The following PDE7B variants were observed in gnomAD, a reference collection of about 807,000 sequenced individuals.
The protein encoded by PDE7B is phosphodiesterase 7B.
In PDE7B, 29 loss-of-function variants were observed where a neutral mutation model predicts 56.2. The observed-to-expected ratio is 0.52, with a 90% CI of 0.38 to 0.70. The LOEUF is 0.70. Among genes scored for constraint, PDE7B ranks in the 30% least tolerant of loss-of-function variants. The pLI, the probability that PDE7B is intolerant of heterozygous loss-of-function variation, is 0.00. For synonymous variants in PDE7B, 197 were observed against 196.9 expected (o/e 1.00, Z 0.00); for missense variants, 490 against 565.0 (o/e 0.87, Z 1.35).
chr6:135,997,968 A>G (rs1252513182), intron 2 of PDE7B, among the ~76,000 whole-genome samples: 2 of 152,168 alleles, frequency 1.3e-5, no homozygotes, highest in African/African-American at 4.8e-5. Context: ...CACTAATGGA[A>G]ATGGAGTCAG....
At chr6:136,051,083 T>C (rs1263273794) in intron 2 of PDE7B, among the ~76,000 whole-genome samples, 1 of 151,792 alleles carries the variant, frequency 6.6e-6, no homozygotes, top group African/African-American at 2.4e-5. Context: ...CTCTGAACCA[T>C]TGCAGAAATT....
chr6:136,012,297 T>C (rs1775908357), intron 2 of PDE7B, among the ~76,000 whole-genome samples: 1 of 152,180 alleles, frequency 6.6e-6, no homozygotes, highest in African/African-American at 2.4e-5. Context: ...TCTCTTGATC[T>C]GTTTCTGGCC....
At chr6:136,058,674 C>T (rs538987168) in intron 2 of PDE7B, among the ~76,000 whole-genome samples, 45 of 152,240 alleles carry the variant, frequency 3.0e-4, no homozygotes, top group African/African-American at 1.1e-3. Context: ...CACATGTTAA[C>T]TGGTATCCTT....
intron 2 of PDE7B, among the ~76,000 whole-genome samples, chr6:136,087,378 T>TA (rs1320647174): frequency 5.9e-5 from 9 of 151,684 alleles, no homozygotes; most frequent in Non-Finnish European, 1.2e-4. Flanking sequence ...AATATAAGAA[T>TA]AAAAAATTAA....
At chr6:135,982,226 A>T (rs1304472843) in intron 2 of PDE7B, among the ~76,000 whole-genome samples, 1 of 152,192 alleles carries the variant, frequency 6.6e-6, no homozygotes, top group Non-Finnish European at 1.5e-5. Flanking sequence ...GATGTATTAT[A>T]AGGACCTACC....
At chr6:136,076,106 T>C (rs1777123705) in intron 2 of PDE7B, among the ~76,000 whole-genome samples, 1 of 152,170 alleles carries the variant, frequency 6.6e-6, no homozygotes, top group African/African-American at 2.4e-5. Context: ...AGTGGATAGA[T>C]GTATAGTGAC....
intron 3 of PDE7B, among the ~76,000 whole-genome samples, chr6:136,146,805 A>C (rs1186304944): frequency 6.6e-6 from 1 of 152,226 alleles, no homozygotes; most frequent in Non-Finnish European, 1.5e-5. Context: ...TGAAATTCTT[A>C]ATTCATATAT....
chr6:136,171,533 G>C (rs139360048), intron 8 of PDE7B, among the ~76,000 whole-genome samples: 23 of 152,280 alleles, frequency 1.5e-4, no homozygotes, highest in African/African-American at 5.5e-4. Context: ...GATTAGACCA[G>C]AGATTGTGAG....
At chr6:136,187,007 T>C (rs902091514) in intron 11 of PDE7B, 29 bp from the exon 12 acceptor site, 11 of 1,118,390 alleles carry the variant, frequency 9.8e-6, no homozygotes, top group Non-Finnish European at 1.5e-5. Flanking sequence ...ATTACCAATG[T>C]GTTTTTTTCT....
At position 136,155,548 on chromosome 6, in the gene PDE7B, G is replaced by A. The variant is rs115050139; in HGVS notation, c.580-79G>A. 9.7e-4 allele frequency: 1,152 copies of A among 1,188,972 alleles called. 8 individuals carry two copies. In the African/African-American group the frequency reaches 0.014, roughly 15 times the overall value. The allele number at this position is 1,188,972 out of a possible 1,614,324, so 73.7% of individuals were successfully genotyped here. On this transcript the variant is annotated intron_variant, in intron 7 of 12. Transcript: ENST00000308191. ...TTAAACAATGCCATGATGATTCATT[G>A]TGTTTGATTTAGCCAAAATGATTAT...
chr6:136,161,324 A>T (rs9494458), intron 8 of PDE7B, among the ~76,000 whole-genome samples: 13,606 of 152,160 alleles, frequency 0.089, 1,876 homozygotes, highest in African/African-American at 0.29. Context: ...TCCACTTCCC[A>T]GACAGATAGT....
At position 136,032,719 on chromosome 6, in the gene PDE7B, T is replaced by A. The variant is rs552306064; in HGVS notation, c.83-76012T>A. On this transcript the variant is annotated intron_variant, in intron 2 of 12. Transcript: ENST00000308191. ...ATATCCCAGGGAAGGATAGCCAAAA[T>A]TTGTGTTTAATGAACTTGTCAACTG... is the stretch of plus-strand genomic sequence containing the variant. Among the ~76,000 whole-genome samples, 230 of 152,348 alleles carry A rather than the reference T, an allele frequency of 1.5e-3. 1 individual carries two copies. Among genetic ancestry groups the A allele is most frequent in the Non-Finnish European group, 2.8e-3 (188 of 68,026 alleles).
chr6:135,982,475 G>C (rs927850036), intron 2 of PDE7B, among the ~76,000 whole-genome samples: 2 of 152,168 alleles, frequency 1.3e-5, no homozygotes, highest in East Asian at 1.9e-4. Flanking sequence ...GCCCAGCTTG[G>C]ATCTGGTGCG....
At chr6:135,904,165 A>T (rs1262266883) in intron 1 of PDE7B, among the ~76,000 whole-genome samples, 1 of 152,222 alleles carries the variant, frequency 6.6e-6, no homozygotes, top group African/African-American at 2.4e-5. Context: ...CAAGGCTTTT[A>T]AGGCCAGAAT....
intron 2 of PDE7B, chr6:136,038,349 CAGA>C: frequency 7.7e-7 from 1 of 1,292,088 alleles, no homozygotes. Flanking sequence ...TGGACAGGCC[CAGA>C]AGGTGTGCTG....
intron 11 of PDE7B, among the ~76,000 whole-genome samples, chr6:136,182,195 A>G (rs1248684850): frequency 3.9e-5 from 6 of 152,212 alleles, no homozygotes; most frequent in African/African-American, 1.4e-4. Flanking sequence ...TGATGGCCCC[A>G]AAGACAGAAG....
chr6:135,934,754 A>AT (rs1249866082), intron 1 of PDE7B, among the ~76,000 whole-genome samples: 5 of 115,112 alleles, frequency 4.3e-5, no homozygotes, highest in Non-Finnish European at 6.7e-5. Flanking sequence ...ATATATATAT[A>AT]TTTTTTAAAT....
intron 2 of PDE7B, among the ~76,000 whole-genome samples, chr6:135,992,208 G>A (rs1775490956): frequency 9.0e-6 from 1 of 111,506 alleles, no homozygotes. Context: ...TACCTGATGA[G>A]CTAAAAAAAA....
Position 136,043,687 on chromosome 6 carries a change from C to G in PDE7B, c.83-65044C>G, listed in dbSNP as rs573482065. Among the ~76,000 whole-genome samples the G allele has an allele frequency of 3.3e-5, 5 of 151,416 alleles. No homozygotes were observed. The South Asian group carries it at 1.0e-3, about 32-fold the overall frequency. ...TTGGTGTTATTTTTCTCAACAACTT[C>G]TCTCATTCATTATCTTTTCTCTGTT... On this transcript the variant is annotated intron_variant, in intron 2 of 12. Coordinates refer to ENST00000308191, the MANE Select transcript of PDE7B (RefSeq NM_018945.4).
Sources: allele counts gnomAD v4.1 joint callset (sites outside exome capture counted in the v4.1 genomes callset), GRCh38; gene constraint gnomAD v4.1.1; transcripts MANE v1.5; gene names NCBI Gene and HGNC (gene_info 2026-07-23, HGNC 2026-07-21).